FBXW7: variants seen among roughly 807,000 people sequenced by gnomAD.
The protein encoded by FBXW7 is F-box/WD repeat-containing protein 7.
In FBXW7, 11 loss-of-function variants were observed where a neutral mutation model predicts 86.3. The observed-to-expected ratio is 0.13, with a 90% CI of 0.08 to 0.21. The LOEUF (loss-of-function observed/expected upper bound fraction) is 0.21, where lower values mean the gene tolerates loss of function less well. FBXW7 is among the 10% of genes least tolerant of loss of function. The pLI, the probability that FBXW7 is intolerant of heterozygous loss-of-function variation, is 1.00. For synonymous variants in FBXW7, 313 were observed against 297.9 expected, an observed-to-expected ratio of 1.05 and a Z score of -0.52; for missense variants, 488 against 847.4, an observed-to-expected ratio of 0.58 and a Z score of 5.27.
chr4:152,481,266 T>A (rs940612262), intron 2 of FBXW7, among the ~76,000 whole-genome samples: 3 of 152,186 alleles, frequency 2.0e-5, no homozygotes, highest in African/African-American at 4.8e-5. Flanking sequence ...CACATCTATT[T>A]AACAACATGG....
chr4:152,529,404 TAAC>T (rs1749812142), intron 2 of FBXW7, among the ~76,000 whole-genome samples: 1 of 152,102 alleles, frequency 6.6e-6, no homozygotes, highest in Non-Finnish European at 1.5e-5. Context: ...TCAATTTAAG[TAAC>T]AATATGTAGA....
intron 2 of FBXW7, among the ~76,000 whole-genome samples, chr4:152,434,392 T>C (rs762170161): frequency 6.6e-6 from 1 of 152,218 alleles, no homozygotes; most frequent in Non-Finnish European, 1.5e-5. Flanking sequence ...AATTGGAAAG[T>C]GAGACGTGCA....
intron 2 of FBXW7, among the ~76,000 whole-genome samples, chr4:152,462,693 C>A (rs1282874475): frequency 6.6e-6 from 1 of 152,294 alleles, no homozygotes; most frequent in Non-Finnish European, 1.5e-5. Flanking sequence ...GCTTTTAAAA[C>A]AGTTAAAGTT....
chr4:152,527,823 T>C (rs1019131298), intron 2 of FBXW7, among the ~76,000 whole-genome samples: 9 of 150,984 alleles, frequency 6.0e-5, no homozygotes, highest in East Asian at 1.9e-4. Context: ...CTCATAAGCA[T>C]TGACTAGATC....
chr4:152,384,747 T>C (rs146256353), intron 4 of FBXW7, among the ~76,000 whole-genome samples: 15 of 151,910 alleles, frequency 9.9e-5, no homozygotes, highest in Admixed American at 5.3e-4. Context: ...GAAAATGGAA[T>C]AATCATCACC....
rs186571273 is a variant in FBXW7, at chr4:152,485,583, A to G, written c.-120+49358T>C. On this transcript the variant is annotated intron_variant, in intron 2 of 13. Transcript: ENST00000281708. ...GGAATTCAAATATCACTAGTTTTTAAAAGTATATTTTCTTATTCTGTCTAA... is the reference window on the plus strand; with the variant it reads ...GGAATTCAAATATCACTAGTTTTTAGAAGTATATTTTCTTATTCTGTCTAA... Among the ~76,000 whole-genome samples, 12 of 152,324 alleles carry G rather than the reference A, an allele frequency of 7.9e-5. No homozygotes were observed. The East Asian group carries it at 2.3e-3, about 29-fold the overall frequency.
intron 2 of FBXW7, among the ~76,000 whole-genome samples, chr4:152,507,112 A>G (rs1309182284): frequency 6.6e-6 from 1 of 152,208 alleles, no homozygotes; most frequent in African/African-American, 2.4e-5. Flanking sequence ...GAGCATATGC[A>G]TGTATTAGAA....
intron 4 of FBXW7, among the ~76,000 whole-genome samples, chr4:152,355,125 C>G (rs747010957): frequency 2.0e-5 from 3 of 152,034 alleles, no homozygotes; most frequent in Admixed American, 2.0e-4. Flanking sequence ...CATTCTCTGA[C>G]GTACTATCAA....
intron 2 of FBXW7, among the ~76,000 whole-genome samples, chr4:152,438,362 T>C (rs556411490): frequency 1.5e-3 from 231 of 151,970 alleles, no homozygotes; most frequent in Non-Finnish European, 2.6e-3. Context: ...ACCAAATCCA[T>C]GGTATCTTCA....
intron 2 of FBXW7, among the ~76,000 whole-genome samples, chr4:152,523,641 G>A (rs1749211641): frequency 6.6e-6 from 1 of 152,150 alleles, no homozygotes; most frequent in Non-Finnish European, 1.5e-5. Flanking sequence ...AGCTGAAGCT[G>A]GAGACAATAA....
chr4:152,479,569 G>C (rs1382570892), intron 2 of FBXW7, among the ~76,000 whole-genome samples: 1 of 152,020 alleles, frequency 6.6e-6, no homozygotes, highest in Non-Finnish European at 1.5e-5. Flanking sequence ...TTGTCTGACT[G>C]CTTCCCAGAA....
At chr4:152,407,431 AGTTG>A (rs1737513134) in intron 4 of FBXW7, among the ~76,000 whole-genome samples, 1 of 152,192 alleles carries the variant, frequency 6.6e-6, no homozygotes, top group African/African-American at 2.4e-5. Context: ...TTTGAACTTA[AGTTG>A]CTTGTCTTGC....
rs1363835284 is a variant in FBXW7, at chr4:152,463,688, GC to G, written c.-119-51160del. ...CACTGGGAAATAACAATTTTGGGGT[GC>G]TAAGGACCTGGCGACTGAGAAAGTG... On this transcript the variant is annotated intron_variant, in intron 2 of 13. Transcript: ENST00000281708. Among the ~76,000 whole-genome samples, 4 of 152,324 alleles carry G rather than the reference GC, an allele frequency of 2.6e-5. No homozygotes were observed. The East Asian group carries it at 7.7e-4, about 29-fold the overall frequency.
At chr4:152,491,365 A>C (rs1745837739) in intron 2 of FBXW7, among the ~76,000 whole-genome samples, 1 of 152,198 alleles carries the variant, frequency 6.6e-6, no homozygotes, top group South Asian at 2.1e-4. Flanking sequence ...GAATAGATAT[A>C]TCTTTCCCTC....
intron 4 of FBXW7, among the ~76,000 whole-genome samples, chr4:152,368,013 G>T (rs1270811798): frequency 6.6e-6 from 1 of 151,902 alleles, no homozygotes; most frequent in Non-Finnish European, 1.5e-5. Context: ...TTCTAAAAAG[G>T]TCTACGAAAA....
At chr4:152,339,324 T>A (rs1407865083) in intron 6 of FBXW7, among the ~76,000 whole-genome samples, 1 of 152,216 alleles carries the variant, frequency 6.6e-6, no homozygotes, top group East Asian at 1.9e-4. Context: ...CTCATAAACA[T>A]GTATATGTAC....
At chr4:152,382,460 G>A in intron 4 of FBXW7, 1 of 1,224,362 alleles carries the variant, frequency 8.2e-7, no homozygotes, top group Non-Finnish European at 1.0e-6. Flanking sequence ...GAGAACCCAA[G>A]GCCTGCTGCT....
intron 2 of FBXW7, among the ~76,000 whole-genome samples, chr4:152,473,470 T>A (rs1313508736): frequency 6.6e-6 from 1 of 152,144 alleles, no homozygotes; most frequent in Non-Finnish European, 1.5e-5. Flanking sequence ...ACCTTTGGAA[T>A]CTTTTGAAGA....
chr4:152,334,488 C>T (rs945921075), intron 7 of FBXW7, among the ~76,000 whole-genome samples: 5 of 152,154 alleles, frequency 3.3e-5, no homozygotes, highest in African/African-American at 9.7e-5. Context: ...AAAAGAGATG[C>T]TAATTAATGA....
Sources: allele counts gnomAD v4.1 joint callset (sites outside exome capture counted in the v4.1 genomes callset), GRCh38; gene constraint gnomAD v4.1.1; transcripts MANE v1.5; gene names NCBI Gene and HGNC (gene_info 2026-07-23, HGNC 2026-07-21).